The following PCDHA1 variants were observed in gnomAD, a reference collection of about 807,000 sequenced individuals.
The protein encoded by PCDHA1 is protocadherin alpha 1.
In PCDHA1, 42 loss-of-function variants were observed where a neutral mutation model predicts 61.3. The observed-to-expected ratio is 0.69, with a 90% CI of 0.54 to 0.89. The LOEUF is 0.89. PCDHA1 is among the 40% of genes least tolerant of loss of function. The pLI, the probability that PCDHA1 is intolerant of heterozygous loss-of-function variation, is 0.00. For missense variants in PCDHA1, 1,256 were observed against 1,235.3 expected (o/e 1.02, Z -0.25); for synonymous variants, 610 against 553.8 (o/e 1.10, Z -1.43).
rs2040583064 is a variant in PCDHA1, at chr5:140,848,750, T to A, written c.2394+60066T>A. ...TAAATCTGCAGAATGGCATTTTGTT[T>A]GTGAATTCTCGGATCGACCGCGAGG... is the stretch of plus-strand genomic sequence containing the variant. On this transcript the variant is annotated intron_variant, in intron 1 of 3. Coordinates refer to ENST00000504120, the MANE Select transcript of PCDHA1 (RefSeq NM_018900.4). 5 of 1,593,288 alleles carry A rather than the reference T, an allele frequency of 3.1e-6. 1 individual carries two copies. The highest frequency in any genetic ancestry group is 4.3e-6 in the Non-Finnish European group (5 of 1,163,954).
At chr5:140,919,713 G>C (rs1370532221) in intron 1 of PCDHA1, among the ~76,000 whole-genome samples, 1 of 152,096 alleles carries the variant, frequency 6.6e-6, no homozygotes, top group African/African-American at 2.4e-5. Context: ...ATTCTAGTGA[G>C]ATATAAATAT....
chr5:140,833,743 A>G (rs1554133938), intron 1 of PCDHA1, among the ~76,000 whole-genome samples: 1 of 114,690 alleles, frequency 8.7e-6, no homozygotes, highest in African/African-American at 3.3e-5. Flanking sequence ...CTTGCCTCCT[A>G]AAAAGAAAAC....
rs1475511194 is a variant in PCDHA1 at position 140,788,124 on chromosome 5, C to T, written c.1834C>T (p.Gln612Ter). The change falls in exon 1 of 4, where the codon CAG becomes TAG. Residue 612 changes from glutamine to a stop codon, truncating the protein, a stop_gained. Transcript: ENST00000504120. LOFTEE classifies it high-confidence loss of function. Reference protein sequence around the residue: ...GYNAWLSYELQPAAGGARIPF... With the variant: ...GYNAWLSYEL ...CAACGCGTGGCTGTCCTATGAACTG[C>T]AGCCGGCAGCAGGCGGCGCGCGCAT... 1 of 1,613,972 alleles carries T rather than the reference C, an allele frequency of 6.2e-7. No homozygotes were observed. The highest frequency in any genetic ancestry group is 1.1e-5 in the South Asian group (1 of 91,072).
chr5:140,831,775 T>C (rs1771697165), intron 1 of PCDHA1, among the ~76,000 whole-genome samples: 1 of 152,168 alleles, frequency 6.6e-6, no homozygotes, highest in South Asian at 2.1e-4. Context: ...TGTGGATGGA[T>C]TGTTTCACCT....
At chr5:140,896,827 T>G (rs1193967071) in intron 1 of PCDHA1, among the ~76,000 whole-genome samples, 1 of 152,214 alleles carries the variant, frequency 6.6e-6, no homozygotes, top group African/African-American at 2.4e-5. Flanking sequence ...TGTTCATAGT[T>G]GTTTTTATTT....
intron 1 of PCDHA1, among the ~76,000 whole-genome samples, chr5:140,923,820 CG>C (rs1297703305): frequency 6.6e-6 from 1 of 152,106 alleles, no homozygotes; most frequent in Non-Finnish European, 1.5e-5. Flanking sequence ...TGAAAATAGA[CG>C]TCAGTGGCAG....
intron 1 of PCDHA1, chr5:140,842,622 C>T (rs2150340886): frequency 1.3e-6 from 2 of 1,579,180 alleles, no homozygotes; most frequent in East Asian, 2.2e-5. Flanking sequence ...GGCTCGCCTT[C>T]GCTGTGGGCC....
chr5:140,834,540 G>C, intron 1 of PCDHA1: 1 of 1,614,082 alleles, frequency 6.2e-7, no homozygotes, highest in Non-Finnish European at 8.5e-7. Context: ...GCAGGACCTG[G>C]GGCTGGAGCT....
intron 1 of PCDHA1, among the ~76,000 whole-genome samples, chr5:140,915,973 T>G (rs1472373994): frequency 3.9e-5 from 6 of 152,150 alleles, no homozygotes; most frequent in African/African-American, 1.4e-4. Context: ...TGATATTTTA[T>G]TTGACTACGG....
intron 1 of PCDHA1, among the ~76,000 whole-genome samples, chr5:140,881,865 T>C (rs1380240082): frequency 6.6e-6 from 1 of 152,222 alleles, no homozygotes; most frequent in Non-Finnish European, 1.5e-5. Flanking sequence ...AATAAATTTG[T>C]GGCAAAATGA....
chr5:140,926,068 G>A (rs2082901302), intron 1 of PCDHA1, among the ~76,000 whole-genome samples: 1 of 152,168 alleles, frequency 6.6e-6, no homozygotes, highest in African/African-American at 2.4e-5. Context: ...CCTCCTTGTC[G>A]TCTCTATTGC....
chr5:140,911,666 C>G (rs2075593137), intron 1 of PCDHA1, among the ~76,000 whole-genome samples: 1 of 152,168 alleles, frequency 6.6e-6, no homozygotes, highest in East Asian at 1.9e-4. Flanking sequence ...AACTCCTTGC[C>G]TCTCACGAAC....
intron 1 of PCDHA1, among the ~76,000 whole-genome samples, chr5:140,889,560 T>C (rs2062271183): frequency 6.6e-6 from 1 of 152,204 alleles, no homozygotes. Context: ...TCTTCAGAAT[T>C]CTGCTTTCTG....
chr5:140,809,815 A>C (rs958539155), intron 1 of PCDHA1: 32 of 409,850 alleles, frequency 7.8e-5, no homozygotes, highest in Non-Finnish European at 1.3e-5. Context: ...AATTTTCACT[A>C]TATTCACCCT....
At chr5:140,971,603 C>T (rs1353988698) in intron 1 of PCDHA1, among the ~76,000 whole-genome samples, 1 of 152,072 alleles carries the variant, frequency 6.6e-6, no homozygotes, top group Non-Finnish European at 1.5e-5. Context: ...CTACAGATGG[C>T]AGGAGAGTCC....
intron 1 of PCDHA1, chr5:140,795,690 T>C (rs369994142): frequency 6.2e-7 from 1 of 1,614,150 alleles, no homozygotes; most frequent in Non-Finnish European, 8.5e-7. Flanking sequence ...AACCAACTTT[T>C]GCCCAATCAG....
intron 3 of PCDHA1, among the ~76,000 whole-genome samples, chr5:140,984,824 C>T (rs920985683): frequency 6.6e-6 from 1 of 151,980 alleles, no homozygotes; most frequent in African/African-American, 2.4e-5. Flanking sequence ...TCTTAATTAC[C>T]CTTTCTGTAA....
chr5:140,926,915 T>A, intron 1 of PCDHA1: 1 of 1,563,726 alleles, frequency 6.4e-7, no homozygotes, highest in Non-Finnish European at 8.7e-7. Flanking sequence ...GGGGTGGCAG[T>A]TTTATGTTTG....
rs782103936 is a variant in PCDHA1 at position 140,808,598 on chromosome 5, G to A, written c.2394+19914G>A. 3.4e-5 allele frequency: 55 copies of A among 1,613,794 alleles called. No individual in the cohort carries two copies. In the East Asian group the frequency reaches 1.2e-3, roughly 35 times the overall value. ...GTTCGTGAAGGAGAACAACCCGCCGGGCTGCCACATCTTCACTGTGTCTGC... is the reference window on the plus strand; with the variant it reads ...GTTCGTGAAGGAGAACAACCCGCCGAGCTGCCACATCTTCACTGTGTCTGC... On this transcript the variant is annotated intron_variant, in intron 1 of 3. Coordinates refer to ENST00000504120, the MANE Select transcript of PCDHA1 (RefSeq NM_018900.4).
Sources: allele counts gnomAD v4.1 joint callset (sites outside exome capture counted in the v4.1 genomes callset), GRCh38; gene constraint gnomAD v4.1.1; transcripts MANE v1.5; gene names NCBI Gene and HGNC (gene_info 2026-07-23, HGNC 2026-07-21).